The following GPM6A variants were observed in gnomAD, a reference collection of about 807,000 sequenced individuals.
GPM6A encodes neuronal membrane glycoprotein M6-a.
In GPM6A, 7 loss-of-function variants were observed where a neutral mutation model predicts 32.1. The ratio of observed to expected loss-of-function variants is 0.22; its 90% confidence interval spans 0.12 to 0.41. GPM6A has a LOEUF of 0.41. Among genes scored for constraint, GPM6A ranks in the 10% least tolerant of loss-of-function variants. GPM6A has a pLI of 1.00. For synonymous variants in GPM6A, 130 were observed against 123.4 expected, an observed-to-expected ratio of 1.05 and a Z score of -0.35; for missense variants, 235 against 347.2, an observed-to-expected ratio of 0.68 and a Z score of 2.57.
At chr4:175,858,514 A>C (rs1314734345) in intron 1 of GPM6A, among the ~76,000 whole-genome samples, 8 of 151,570 alleles carry the variant, frequency 5.3e-5, no homozygotes, top group African/African-American at 1.9e-4. Context: ...CCTGGGCGAC[A>C]GAGAGAAACT....
At chr4:175,882,455 CT>C (rs1737310265) in intron 1 of GPM6A, among the ~76,000 whole-genome samples, 1 of 151,962 alleles carries the variant, frequency 6.6e-6, no homozygotes, top group Admixed American at 6.6e-5. Flanking sequence ...TGGAAATCAT[CT>C]TTTTTGTACT....
intron 1 of GPM6A, among the ~76,000 whole-genome samples, chr4:175,849,224 C>T (rs956116662): frequency 3.3e-5 from 5 of 152,106 alleles, no homozygotes; most frequent in Non-Finnish European, 5.9e-5. Flanking sequence ...TATTCAATAT[C>T]CATGTACTTC....
chr4:175,945,898 C>T (rs78952826), intron 1 of GPM6A, among the ~76,000 whole-genome samples: 2 of 146,004 alleles, frequency 1.4e-5, no homozygotes, highest in African/African-American at 5.1e-5. Context: ...ATATTACGTA[C>T]AACTAAGTAA....
intron 1 of GPM6A, among the ~76,000 whole-genome samples, chr4:175,844,907 AG>A (rs1454753785): frequency 1.7e-4 from 26 of 152,134 alleles, no homozygotes; most frequent in African/African-American, 6.0e-4. Flanking sequence ...AGGGATGAAG[AG>A]GGGCGTAGGT....
intron 1 of GPM6A, among the ~76,000 whole-genome samples, chr4:175,958,727 G>A (rs1346608416): frequency 6.6e-6 from 1 of 152,136 alleles, no homozygotes; most frequent in African/African-American, 2.4e-5. Context: ...TCACATCTGT[G>A]TTATCTACAT....
At chr4:175,790,259 A>C (rs949059040) in intron 1 of GPM6A, 1 of 152,118 alleles carries the variant, frequency 6.6e-6, no homozygotes, top group Non-Finnish European at 1.5e-5. Context: ...TTAATCGACC[A>C]CTATGGTTGT....
chr4:175,725,993 C>T (rs199688023), intron 1 of GPM6A, among the ~76,000 whole-genome samples: 23 of 121,918 alleles, frequency 1.9e-4, no homozygotes, highest in East Asian at 1.4e-3. Context: ...CCTGTTTCTT[C>T]TTTTTTTTTT....
intron 1 of GPM6A, among the ~76,000 whole-genome samples, chr4:175,901,188 C>G (rs1450140711): frequency 6.6e-6 from 1 of 151,202 alleles, no homozygotes; most frequent in African/African-American, 2.4e-5. Context: ...TTAACAGGTA[C>G]AAAAAAAATT....
intron 1 of GPM6A, among the ~76,000 whole-genome samples, chr4:175,825,597 C>T (rs1735409488): frequency 6.6e-6 from 1 of 152,138 alleles, no homozygotes; most frequent in Non-Finnish European, 1.5e-5. Context: ...GTTTTAGAGG[C>T]TCTGTTAGCT....
intron 1 of GPM6A, among the ~76,000 whole-genome samples, chr4:175,781,457 T>A (rs574522635): frequency 6.6e-6 from 1 of 152,182 alleles, no homozygotes; most frequent in Non-Finnish European, 1.5e-5. Flanking sequence ...ACTTCAACCA[T>A]GTCAAGCTTC....
At chr4:175,965,834 G>A (rs181662139) in intron 1 of GPM6A, among the ~76,000 whole-genome samples, 2,103 of 151,990 alleles carry the variant, frequency 0.014, 30 homozygotes, top group South Asian at 0.022. Context: ...GGCTGGTCTC[G>A]AACTCCTGAC....
chr4:175,687,362 T>G (rs1744044098), intron 2 of GPM6A, among the ~76,000 whole-genome samples: 1 of 152,036 alleles, frequency 6.6e-6, no homozygotes, highest in Admixed American at 6.6e-5. Context: ...CAACCACCAT[T>G]CTATCTTCTG....
At chr4:175,681,567 TG>T (rs1337209052) in intron 2 of GPM6A, among the ~76,000 whole-genome samples, 2 of 152,222 alleles carry the variant, frequency 1.3e-5, no homozygotes, top group East Asian at 3.9e-4. Context: ...ATGCTGGAGG[TG>T]GGGCCCAGTG....
chr4:175,815,016 C>T (rs1447752469), upstream of GPM6A, among the ~76,000 whole-genome samples: 1 of 151,948 alleles, frequency 6.6e-6, no homozygotes. Flanking sequence ...TGATGATTTT[C>T]TCTTTTTTTT....
chr4:175,835,553 C>T (rs28628552), intron 1 of GPM6A, among the ~76,000 whole-genome samples: 4,144 of 150,548 alleles, frequency 0.028, 122 homozygotes, highest in African/African-American at 0.068. Flanking sequence ...TGCCAAGAAG[C>T]GCCAATATTG....
chr4:175,789,533 C>G (rs964641788), intron 1 of GPM6A, among the ~76,000 whole-genome samples: 9 of 152,074 alleles, frequency 5.9e-5, no homozygotes, highest in African/African-American at 2.2e-4. Flanking sequence ...AATTCCTTCT[C>G]CTAGGCTAAA....
chr4:175,876,926 T>A (rs1268395722), intron 1 of GPM6A, among the ~76,000 whole-genome samples: 2 of 152,196 alleles, frequency 1.3e-5, no homozygotes, highest in Non-Finnish European at 2.9e-5. Flanking sequence ...GTCAAGAGAC[T>A]GGTGACACTG....
intron 1 of GPM6A, among the ~76,000 whole-genome samples, chr4:175,910,108 A>T (rs1560989775): frequency 6.6e-6 from 1 of 152,072 alleles, no homozygotes; most frequent in Non-Finnish European, 1.5e-5. Context: ...ATGGTGGCCA[A>T]TTTCAAGCTA....
At chr4:175,762,295 C>A (rs1445557411) in intron 1 of GPM6A, among the ~76,000 whole-genome samples, 3 of 152,160 alleles carry the variant, frequency 2.0e-5, no homozygotes, top group African/African-American at 7.2e-5. Context: ...CAGCCAAGAA[C>A]ATCTATAATT....
Sources: allele counts gnomAD v4.1 joint callset (sites outside exome capture counted in the v4.1 genomes callset), GRCh38; gene constraint gnomAD v4.1.1; transcripts MANE v1.5; gene names NCBI Gene and HGNC (gene_info 2026-07-23, HGNC 2026-07-21).